GPHN: variants seen among roughly 807,000 people sequenced by gnomAD.
The protein encoded by GPHN is gephyrin.
Under a neutral mutation model 95.5 loss-of-function variants are expected in GPHN, and 17 were observed. That is an observed-to-expected ratio of 0.18 (90% CI 0.12 to 0.27). GPHN has a LOEUF of 0.27. GPHN is among the 10% of genes least tolerant of loss of function. The pLI, the probability that GPHN is intolerant of heterozygous loss-of-function variation, is 1.00. For synonymous variants in GPHN, 320 were observed against 322.5 expected, an observed-to-expected ratio of 0.99 and a Z score of 0.08; for missense variants, 660 against 978.1, an observed-to-expected ratio of 0.67 and a Z score of 4.34.
At chr14:67,235,642 G>A in the GPHN span, among the ~76,000 whole-genome samples, 23 of 151,994 alleles carry the variant, frequency 1.5e-4, no homozygotes, top group African/African-American at 4.8e-4. Flanking sequence ...GTGAACCCAC[G>A]AGGCAGAGCT....
intron 17 of GPHN, among the ~76,000 whole-genome samples, chr14:67,132,362 C>T (rs987506328): frequency 6.6e-6 from 1 of 152,104 alleles, no homozygotes; most frequent in African/African-American, 2.4e-5. Flanking sequence ...TTAATTGGTT[C>T]TTGTCATTTT....
chr14:66,675,899 A>AT lies in GPHN; in HGVS notation c.65-5199dup, dbSNP rs980000289. ...GACTGCAAATGGGCTTGCTTTCCTGATTTTTTTTTCAGCTAGTTGGTTATT... is the reference window on the plus strand; with the variant it reads ...GACTGCAAATGGGCTTGCTTTCCTGATTTTTTTTTTCAGCTAGTTGGTTATT... On this transcript the variant is annotated intron_variant, in intron 1 of 22. Transcript: ENST00000478722. Among the ~76,000 whole-genome samples the AT allele has an allele frequency of 1.1e-4, 17 of 150,534 alleles. No individual in the cohort carries two copies. The East Asian group carries it at 2.0e-3, about 17-fold the overall frequency.
chr14:67,411,933 C>G, the GPHN span: 3 of 1,272,968 alleles, frequency 2.4e-6, no homozygotes, highest in Non-Finnish European at 3.2e-6. Context: ...ATGCCCGTTC[C>G]GGGGCGCGCG....
intron 3 of GPHN, among the ~76,000 whole-genome samples, chr14:66,776,806 G>A (rs1343157992): frequency 1.3e-5 from 2 of 152,002 alleles, no homozygotes; most frequent in Admixed American, 1.3e-4. Flanking sequence ...ATAAGCATTG[G>A]TGTGCATAGT....
the GPHN span, among the ~76,000 whole-genome samples, chr14:67,291,678 T>G: frequency 6.6e-6 from 1 of 152,230 alleles, no homozygotes. Flanking sequence ...CACATACATA[T>G]GCCCACAACT....
rs540282266 is a variant in GPHN at position 67,125,260 on chromosome 14, C to G, written c.1748+2883C>G. On this transcript the variant is annotated intron_variant, in intron 17 of 22. Transcript: ENST00000478722. ...AATTTATAATTGTTCTAATGGAAAT[C>G]TGTGCTGGGAGTTTAGCAAAGAAAA... 3.4e-3 allele frequency among the ~76,000 whole-genome samples: 512 copies of G among 152,246 alleles called. 4 individuals are homozygous for G. The highest frequency in any genetic ancestry group is 5.7e-3 in the Non-Finnish European group (389 of 68,012).
chr14:66,745,645 G>GA (rs568457824), intron 2 of GPHN, among the ~76,000 whole-genome samples: 101 of 151,800 alleles, frequency 6.7e-4, no homozygotes, highest in Non-Finnish European at 9.9e-4. Context: ...TGCCAATTAT[G>GA]AAAAAAATGT....
In GPHN at chr14:66,977,096, C is replaced by G. The variant is rs112724719; in HGVS notation, c.963+11771C>G. Among the ~76,000 whole-genome samples the G allele has an allele frequency of 1.6e-3, 248 of 152,248 alleles. 1 individual carries two copies. Among genetic ancestry groups the G allele is most frequent in the African/African-American group, 5.8e-3 (243 of 41,540 alleles). ...CCTTTCAAGCAATAAATTCGTATAACCTTTCATACACATGTGTTGTATACC... is the reference window on the plus strand; with the variant it reads ...CCTTTCAAGCAATAAATTCGTATAAGCTTTCATACACATGTGTTGTATACC... On this transcript the variant is annotated intron_variant, in intron 9 of 22. Transcript: ENST00000478722.
At chr14:67,325,704 C>T in the GPHN span, among the ~76,000 whole-genome samples, 1 of 152,168 alleles carries the variant, frequency 6.6e-6, no homozygotes, top group South Asian at 2.1e-4. Context: ...TTTTCCACTT[C>T]CTAACATGCA....
At chr14:67,506,286 G>A in the GPHN span, among the ~76,000 whole-genome samples, 13 of 152,074 alleles carry the variant, frequency 8.5e-5, no homozygotes, top group East Asian at 9.6e-4. Context: ...TCACAGAACC[G>A]TCTCCTATGA....
chr14:67,725,028 A>C, the GPHN span: 5 of 1,551,002 alleles, frequency 3.2e-6, no homozygotes, highest in Non-Finnish European at 4.5e-6. Flanking sequence ...CCCCAGTCCC[A>C]AGCTCACTTA....
At chr14:66,987,901 G>GTT (rs2071134809) in intron 9 of GPHN, among the ~76,000 whole-genome samples, 5 of 152,094 alleles carry the variant, frequency 3.3e-5, no homozygotes, top group Non-Finnish European at 7.4e-5. Context: ...AGAACAAGTT[G>GTT]CTTTTTCAAT....
the GPHN span, among the ~76,000 whole-genome samples, chr14:67,258,061 T>C: frequency 0.061 from 9,197 of 151,868 alleles, 610 homozygotes; most frequent in African/African-American, 0.16. Context: ...GTAGGTGTGG[T>C]TTTTCTCTTC....
intron 5 of GPHN, among the ~76,000 whole-genome samples, chr14:66,880,787 C>G (rs2063891569): frequency 6.6e-6 from 1 of 151,824 alleles, no homozygotes; most frequent in Non-Finnish European, 1.5e-5. Flanking sequence ...ATGTTGATAT[C>G]CATCCTCGAT....
chr14:66,907,202 T>C (rs2065430275), intron 5 of GPHN, among the ~76,000 whole-genome samples: 1 of 152,180 alleles, frequency 6.6e-6, no homozygotes, highest in Non-Finnish European at 1.5e-5. Context: ...GGTAAATGGA[T>C]AAGCAAATTA....
intron 2 of GPHN, among the ~76,000 whole-genome samples, chr14:66,742,552 A>G (rs2072881417): frequency 6.6e-6 from 1 of 152,096 alleles, no homozygotes; most frequent in African/African-American, 2.4e-5. Flanking sequence ...AGTAGAATTG[A>G]TTTTTAGAAG....
chr14:67,164,776 G>A (rs2082179392), intron 19 of GPHN, among the ~76,000 whole-genome samples: 1 of 151,934 alleles, frequency 6.6e-6, no homozygotes, highest in Admixed American at 6.6e-5. Context: ...ACAGGTGTGA[G>A]CCACCATGCC....
At chr14:66,850,128 T>C (rs1168588554) in intron 4 of GPHN, among the ~76,000 whole-genome samples, 1 of 152,188 alleles carries the variant, frequency 6.6e-6, no homozygotes, top group Non-Finnish European at 1.5e-5. Flanking sequence ...AGAAACTTAT[T>C]GAACTTCAGT....
At chr14:67,573,847 G>A in the GPHN span, 43 of 1,613,728 alleles carry the variant, frequency 2.7e-5, no homozygotes, top group African/African-American at 2.8e-4. The surrounding 1 kb of genome is among the most constrained non-coding windows in gnomAD (Gnocchi z 4.8). Context: ...CTGAACTCCC[G>A]CTGCCAAATT....
Sources: gnomAD v4.1 joint callset for allele counts (sites outside exome capture counted in the v4.1 genomes callset) on GRCh38, gnomAD v4.1.1 for gene constraint, Gnocchi (gnomAD v3.1) non-coding constraint, MANE v1.5 for transcripts, NCBI Gene and HGNC (gene_info 2026-07-23, HGNC 2026-07-21) for gene names.